Variants in SHOC2 observed in about 807,000 individuals in gnomAD.
The protein encoded by SHOC2 is SHOC2 leucine rich repeat scaffold protein.
A neutral mutation model predicts 50.2 loss-of-function variants in SHOC2; 4 were observed. The observed-to-expected ratio is 0.08, with a 90% CI of 0.04 to 0.18. The LOEUF is 0.18. SHOC2 is among the 10% of genes least tolerant of loss of function. SHOC2 has a pLI of 1.00. For missense variants in SHOC2, 388 were observed against 669.6 expected (o/e 0.58, Z 4.64); for synonymous variants, 218 against 244.5 (o/e 0.89, Z 1.01).
intron 3 of SHOC2, among the ~76,000 whole-genome samples, chr10:110,998,200 T>C (rs974370058): frequency 2.0e-5 from 3 of 152,156 alleles, no homozygotes; most frequent in African/African-American, 7.2e-5. Flanking sequence ...GGTTTCACCA[T>C]GTTGACCAGA....
At chr10:110,990,761 A>G (rs1294177647) in intron 3 of SHOC2, among the ~76,000 whole-genome samples, 2 of 152,116 alleles carry the variant, frequency 1.3e-5, no homozygotes, top group Non-Finnish European at 2.9e-5. Context: ...AAAAAACAAA[A>G]ACAAAAAACA....
chr10:111,001,116 T>A (rs924396173), intron 4 of SHOC2, among the ~76,000 whole-genome samples: 4 of 151,950 alleles, frequency 2.6e-5, no homozygotes, highest in Admixed American at 2.6e-4. Context: ...AAAAATATTT[T>A]CACTTATTTT....
Position 110,964,643 on chromosome 10 carries a change from C to T in SHOC2, c.285C>T (p.Asn95=). The change falls in exon 2 of 9, where the codon AAC becomes AAT. Residue 95 remains asparagine (N), a synonymous_variant. Transcript: ENST00000369452. This position sits in a 1 kb window ranked among gnomAD's most constrained non-coding sequence, Gnocchi z 4.9. ...SSNAEVIKEL[N]KCREENSMRL... The stretch of plus-strand genomic sequence containing the variant: ...ATGCAGAGGTGATTAAAGAGCTCAA[C>T]AAATGCCGGGAAGAGAATTCAATGC... The T allele has an allele frequency of 6.2e-7, 1 of 1,614,104 alleles. No individual in the cohort carries two copies. The highest frequency in any genetic ancestry group is 8.5e-7 in the Non-Finnish European group (1 of 1,179,984).
intron 2 of SHOC2, among the ~76,000 whole-genome samples, chr10:110,976,032 T>C (rs529152158): frequency 6.6e-6 from 1 of 152,230 alleles, no homozygotes; most frequent in Non-Finnish European, 1.5e-5. Flanking sequence ...TGCTTCAGCC[T>C]CCCAAGTAGC....
chr10:110,983,486 A>G (rs1051584709), intron 2 of SHOC2, among the ~76,000 whole-genome samples: 4 of 152,058 alleles, frequency 2.6e-5, no homozygotes, highest in Non-Finnish European at 5.9e-5. Context: ...TAGCTTAGCT[A>G]TGTCCCATAA....
intron 2 of SHOC2, among the ~76,000 whole-genome samples, chr10:110,974,296 G>A (rs1378950357): frequency 6.6e-6 from 1 of 151,960 alleles, no homozygotes; most frequent in African/African-American, 2.4e-5. Flanking sequence ...CCAAATATAT[G>A]AGAGAGATTT....
At chr10:110,983,723 C>G (rs915472483) in intron 2 of SHOC2, among the ~76,000 whole-genome samples, 2 of 152,144 alleles carry the variant, frequency 1.3e-5, no homozygotes, top group African/African-American at 2.4e-5. Context: ...CTTTCTGTCT[C>G]TATGAATTTG....
intron 2 of SHOC2, among the ~76,000 whole-genome samples, chr10:110,966,511 CTTG>C (rs1847677538): frequency 6.6e-6 from 1 of 151,918 alleles, no homozygotes; most frequent in African/African-American, 2.4e-5. Context: ...TGTCTTTGTT[CTTG>C]TTGTTTTGTG....
intron 4 of SHOC2, among the ~76,000 whole-genome samples, chr10:111,004,119 A>G (rs1466795153): frequency 8.5e-5 from 13 of 152,190 alleles, no homozygotes; most frequent in Admixed American, 7.9e-4. Context: ...AATAGTTCCT[A>G]AAAGGAATCT....
In SHOC2 at chr10:110,964,172, A is replaced by G. The variant is rs560817115; in HGVS notation, c.-187A>G. On this transcript the variant is annotated 5_prime_UTR_variant, in exon 2 of 9. The change abolishes an upstream ATG in the 5' untranslated region. Coordinates refer to ENST00000369452, the MANE Select transcript of SHOC2 (RefSeq NM_007373.4). This position sits in a 1 kb window ranked among gnomAD's most constrained non-coding sequence, Gnocchi z 4.9. The stretch of plus-strand genomic sequence containing the variant: ...GACCAGCACTATTTTACCAGTTGGA[A>G]TGAATGATCAGAAATGGGCATAGTG... The G allele has an allele frequency of 5.3e-6, 4 of 759,920 alleles. No individual in the cohort carries two copies. Among genetic ancestry groups the G allele is most frequent in the East Asian group, 2.7e-5 (1 of 37,058 alleles). The allele number at this position is 759,920 out of a possible 1,614,324, so 47.1% of individuals were successfully genotyped here.
At chr10:110,943,816 G>C (rs1212534515) in intron 1 of SHOC2, among the ~76,000 whole-genome samples, 1 of 152,216 alleles carries the variant, frequency 6.6e-6, no homozygotes, top group Non-Finnish European at 1.5e-5. Flanking sequence ...AGTAGGAATG[G>C]AATTAAGCAT....
Position 110,923,683 on chromosome 10 carries a change from G to A in SHOC2, c.-235+4026G>A, listed in dbSNP as rs1846699354. 4.0e-5 allele frequency among the ~76,000 whole-genome samples: 4 copies of A among 101,148 alleles called. No individual in the cohort carries two copies. In the South Asian group the frequency reaches 1.0e-3, roughly 26 times the overall value. 66.4% of individuals were successfully genotyped at this position (101,148 alleles called of 152,430 possible). ...CTCTAAAATGTAAGGATTCATTTATGAGAAAGAGTGAACATACTGCTTGTA... is the reference window on the plus strand; with the variant it reads ...CTCTAAAATGTAAGGATTCATTTATAAGAAAGAGTGAACATACTGCTTGTA... On this transcript the variant is annotated intron_variant, in intron 1 of 8. Transcript: ENST00000369452.
intron 3 of SHOC2, among the ~76,000 whole-genome samples, chr10:110,995,799 A>G (rs1382659313): frequency 6.6e-6 from 1 of 152,178 alleles, no homozygotes; most frequent in East Asian, 1.9e-4. Context: ...GATGACCCTT[A>G]CAGTGTAAAG....
At chr10:110,942,430 C>T (rs1286647232) in intron 1 of SHOC2, among the ~76,000 whole-genome samples, 1 of 152,156 alleles carries the variant, frequency 6.6e-6, no homozygotes, top group East Asian at 1.9e-4. Context: ...TCACTACAGC[C>T]TCTAACTCCT....
intron 1 of SHOC2, among the ~76,000 whole-genome samples, chr10:110,960,885 C>G (rs1313083974): frequency 2.0e-5 from 3 of 152,242 alleles, no homozygotes; most frequent in African/African-American, 7.2e-5. Flanking sequence ...CCATGTTGGT[C>G]AGGCTGGTCT....
At chr10:110,960,041 A>G (rs747065980) in intron 1 of SHOC2, among the ~76,000 whole-genome samples, 1 of 152,212 alleles carries the variant, frequency 6.6e-6, no homozygotes, top group South Asian at 2.1e-4. Flanking sequence ...AGCGTTTCCA[A>G]ATTTGGCAGC....
chr10:110,926,439 C>T (rs1329060118), intron 1 of SHOC2, among the ~76,000 whole-genome samples: 2 of 152,242 alleles, frequency 1.3e-5, no homozygotes, highest in African/African-American at 4.8e-5. Context: ...TCCTTCAAGC[C>T]TTAATTCAGG....
At chr10:110,952,316 G>T (rs1847370285) in intron 1 of SHOC2, among the ~76,000 whole-genome samples, 1 of 151,984 alleles carries the variant, frequency 6.6e-6, no homozygotes, top group South Asian at 2.1e-4. Context: ...CCACCATCTT[G>T]CATCAGAGTA....
intron 2 of SHOC2, among the ~76,000 whole-genome samples, chr10:110,976,741 C>T (rs1416440936): frequency 6.6e-6 from 1 of 152,122 alleles, no homozygotes. Flanking sequence ...GACAAGAAGT[C>T]TGCTGTTATT....
Sources: allele counts gnomAD v4.1 joint callset (sites outside exome capture counted in the v4.1 genomes callset), GRCh38; gene constraint gnomAD v4.1.1; non-coding constraint Gnocchi (gnomAD v3.1); transcripts MANE v1.5; gene names NCBI Gene and HGNC (gene_info 2026-07-23, HGNC 2026-07-21).